The following ZNF212 variants were observed in gnomAD, a reference collection of about 807,000 sequenced individuals.
ZNF212 encodes Zinc finger protein C2H2-150.
Under a neutral mutation model 47.3 loss-of-function variants are expected in ZNF212, and 32 were observed. The ratio of observed to expected loss-of-function variants is 0.68; its 90% CI spans 0.51 to 0.91. The LOEUF is 0.91. ZNF212 is among the 40% of genes least tolerant of loss of function. The pLI, the probability that ZNF212 is intolerant of heterozygous loss-of-function variation, is 0.00. For synonymous variants in ZNF212, 242 were observed against 253.8 expected, an observed-to-expected ratio of 0.95 and a Z score of 0.44; for missense variants, 555 against 622.8, an observed-to-expected ratio of 0.89 and a Z score of 1.16.
chr7:149,243,912 A>T (rs1796637042), intron 1 of ZNF212, among the ~76,000 whole-genome samples: 2 of 152,142 alleles, frequency 1.3e-5, no homozygotes, highest in Non-Finnish European at 2.9e-5. Context: ...AGTATGATTG[A>T]GGAACTGAGT....
intron 1 of ZNF212, among the ~76,000 whole-genome samples, chr7:149,240,382 A>AACCCCCCCCCC (rs1796570019): frequency 9.1e-6 from 1 of 109,356 alleles, no homozygotes. Context: ...TCTCTCCTTC[A>AACCCCCCCCCC]CCCCCCCCCC....
chr7:149,247,280 T>A (rs1232359180), intron 1 of ZNF212, among the ~76,000 whole-genome samples: 1 of 151,946 alleles, frequency 6.6e-6, no homozygotes, highest in Non-Finnish European at 1.5e-5. Context: ...TGGCTCATTT[T>A]AAAAAAATTG....
intron 3 of ZNF212, 68 bp from the exon 4 acceptor site, chr7:149,252,638 G>C: frequency 6.9e-7 from 1 of 1,450,860 alleles, no homozygotes; most frequent in Non-Finnish European, 9.6e-7. Flanking sequence ...CTTGGTCACT[G>C]GCAGCTGATC....
chr7:149,254,151 C>T lies in ZNF212; in HGVS notation c.1224C>T (p.Pro408=). 1 of 1,614,200 alleles carries T rather than the reference C, an allele frequency of 6.2e-7. No homozygotes were observed. Among genetic ancestry groups the T allele is most frequent in the Non-Finnish European group, 8.5e-7 (1 of 1,180,026 alleles). The change falls in exon 5 of 5, where the codon CCC becomes CCT. Residue 408 remains proline, a synonymous_variant. Coordinates refer to ENST00000335870, the MANE Select transcript of ZNF212 (RefSeq NM_012256.4). The surrounding 1 kb of genome is among the most constrained non-coding windows in gnomAD (Gnocchi z 4.5). The stretch of plus-strand genomic sequence containing the variant: ...AGCATGTCCAAGAGAGGTTCTCACC[C>T]AACAGCCTGGTTGCCCTGCCTGGCC... ...AGQHVQERFS[P]NSLVALPGHI... is the part of the protein sequence containing the mutation.
intron 1 of ZNF212, among the ~76,000 whole-genome samples, chr7:149,245,047 T>C (rs1231431006): frequency 6.6e-6 from 1 of 152,086 alleles, no homozygotes; most frequent in Non-Finnish European, 1.5e-5. Context: ...TTGAAAGATA[T>C]TAAAAATGGA....
chr7:149,247,115 CTT>C (rs80328578), intron 1 of ZNF212, among the ~76,000 whole-genome samples: 6 of 138,692 alleles, frequency 4.3e-5, no homozygotes, highest in Admixed American at 1.4e-4. Flanking sequence ...CCCGGCCCTT[CTT>C]TTTTTTTTTT....
chr7:149,239,689 G>GCGGCGGCGGCGGCGT lies in ZNF212; in HGVS notation c.-89_-88insGGCGGCGGCGGCGTC. 7.7e-7 allele frequency: 1 copy of GCGGCGGCGGCGGCGT among 1,292,608 alleles called. No individual in the cohort carries two copies. The highest frequency in any genetic ancestry group is 9.8e-7 in the Non-Finnish European group (1 of 1,015,260). 80.1% of individuals were successfully genotyped at this position (1,292,608 alleles called of 1,614,324 possible). A position where few individuals can be genotyped will look rare whatever the true frequency, so the allele number is the denominator to read the frequency against. On this transcript the variant is annotated 5_prime_UTR_variant, in exon 1 of 5. Coordinates refer to ENST00000335870, the MANE Select transcript of ZNF212 (RefSeq NM_012256.4). The stretch of plus-strand genomic sequence containing the variant: ...CATCAACACGGCGGCGGCGGCGGCG[G>GCGGCGGCGGCGGCGT]CTTCCAACAGGCTCTGGGGCGCCGA...
At chr7:149,241,070 G>A (rs1426395939) in intron 1 of ZNF212, among the ~76,000 whole-genome samples, 1 of 152,170 alleles carries the variant, frequency 6.6e-6, no homozygotes, top group Non-Finnish European at 1.5e-5. Context: ...TTCTGCCACA[G>A]TTCTTCCTGC....
At position 149,254,531 on chromosome 7, in the gene ZNF212, C is replaced by T; in HGVS notation, c.*116C>T. The T allele has an allele frequency of 7.1e-7, 1 of 1,409,700 alleles. No homozygotes were observed. Among genetic ancestry groups the T allele is most frequent in the Non-Finnish European group, 9.3e-7 (1 of 1,071,868 alleles). 87.3% of individuals were successfully genotyped at this position (1,409,700 alleles called of 1,614,324 possible). A position where few individuals can be genotyped will look rare whatever the true frequency, so the allele number is the denominator to read the frequency against. ...AGGGCAGTTGTTTGTGATTGCCTTC[C>T]CTTGTCCCAGTACCAAGCCAAGCCC... On this transcript the variant is annotated 3_prime_UTR_variant, in exon 5 of 5. Transcript: ENST00000335870. The surrounding 1 kb of genome is among the most constrained non-coding windows in gnomAD (Gnocchi z 4.5).
intron 1 of ZNF212, among the ~76,000 whole-genome samples, chr7:149,241,431 CAAA>C (rs35747561): frequency 5.2e-5 from 4 of 76,738 alleles, no homozygotes; most frequent in Non-Finnish European, 2.5e-5. Context: ...GACTCTGTCT[CAAA>C]AAAAAAAAAA....
At chr7:149,240,382 A>ACCCCCCCCCCCCCCCCCCCCCCCC (rs71194632) in intron 1 of ZNF212, among the ~76,000 whole-genome samples, 16 of 109,348 alleles carry the variant, frequency 1.5e-4, no homozygotes, top group South Asian at 3.1e-4. Flanking sequence ...TCTCTCCTTC[A>ACCCCCCCCCCCCCCCCCCCCCCCC]CCCCCCCCCC....
At position 149,254,403 on chromosome 7, in the gene ZNF212, T is replaced by A. The variant is rs764587703; in HGVS notation, c.1476T>A (p.Asn492Lys). ...TGGCCCTGGAGCCCGGAAGGCCCAATGGCCTGCTTTAAGGGTGCAGCCCCT... is the reference window on the plus strand; with the variant it reads ...TGGCCCTGGAGCCCGGAAGGCCCAAAGGCCTGCTTTAAGGGTGCAGCCCCT... ...GGLALEPGRP[N>K]GLL The change falls in exon 5 of 5, where the codon AAT (asparagine) becomes AAA (lysine). Residue 492 changes from asparagine to lysine, a missense_variant. Physicochemically the swap from Asn to Lys is moderately conservative, Grantham distance 94. Coordinates refer to ENST00000335870, the MANE Select transcript of ZNF212 (RefSeq NM_012256.4). The surrounding 1 kb of genome is among the most constrained non-coding windows in gnomAD (Gnocchi z 4.5). 1 of 1,600,532 alleles carries A rather than the reference T, an allele frequency of 6.2e-7. No individual in the cohort carries two copies. The highest frequency in any genetic ancestry group is 2.2e-5 in the East Asian group (1 of 44,870).
chr7:149,242,377 A>G (rs1034308754), intron 1 of ZNF212, among the ~76,000 whole-genome samples: 1 of 152,092 alleles, frequency 6.6e-6, no homozygotes, highest in Non-Finnish European at 1.5e-5. Flanking sequence ...CTACCTTGAA[A>G]TGAAGTACAG....
chr7:149,254,840 CTCTT>C lies in ZNF212; in HGVS notation c.*427_*430del, dbSNP rs528065097. The C allele has an allele frequency of 1.9e-4, 32 of 170,368 alleles. No homozygotes were observed. Among genetic ancestry groups the C allele is most frequent in the Non-Finnish European group, 3.2e-4 (26 of 80,526 alleles). The allele number at this position is 170,368 out of a possible 1,614,324, so 10.6% of individuals were successfully genotyped here. ...CCTCCATTTTTTCTTGTTTTATAATCTCTTTGTTTAATAATAAGTAGAAGAAATA... is the reference window on the plus strand; with the variant it reads ...CCTCCATTTTTTCTTGTTTTATAATCTGTTTAATAATAAGTAGAAGAAATA... On this transcript the variant is annotated 3_prime_UTR_variant, in exon 5 of 5. Coordinates refer to ENST00000335870, the MANE Select transcript of ZNF212 (RefSeq NM_012256.4). This position sits in a 1 kb window ranked among gnomAD's most constrained non-coding sequence, Gnocchi z 4.5.
Position 149,250,214 on chromosome 7 carries a change from C to G in ZNF212, c.80C>G (p.Ala27Gly). 1 of 1,577,592 alleles carries G rather than the reference C, an allele frequency of 6.3e-7. No individual in the cohort carries two copies. Among genetic ancestry groups the G allele is most frequent in the African/African-American group, 1.4e-5 (1 of 73,614 alleles). Residue 27 changes from alanine to glycine, a missense_variant, in exon 2 of 5, where the codon GCA (alanine) becomes GGA (glycine). Physicochemically the swap from Ala to Gly is moderately conservative, Grantham distance 60. Coordinates refer to ENST00000335870, the MANE Select transcript of ZNF212 (RefSeq NM_012256.4). The part of the protein sequence containing the change: ...PLTSSTLPSQ[A>G]TEKSSYFQTT... ...ACTTCTTCCACACTTCCTTCACAAGCAACAGAGAAAAGCTCCTATTTTCAG... is the reference window on the plus strand; with the variant it reads ...ACTTCTTCCACACTTCCTTCACAAGGAACAGAGAAAAGCTCCTATTTTCAG...
intron 3 of ZNF212, among the ~76,000 whole-genome samples, chr7:149,251,941 T>TAAAAAAAA (rs36067111): frequency 1.8e-5 from 2 of 109,540 alleles, no homozygotes; most frequent in African/African-American, 3.5e-5. Flanking sequence ...CTCTGTTGCT[T>TAAAAAAAA]AAAAAAAAAA....
At chr7:149,252,880 C>A in intron 4 of ZNF212, 85 bp downstream of exon 4, 1 of 1,387,120 alleles carries the variant, frequency 7.2e-7, no homozygotes, top group Non-Finnish European at 1.0e-6. Context: ...GTGCCAGGTG[C>A]TGACTTGGTG....
rs748796197 is a variant in ZNF212, at chr7:149,254,675, G to A, written c.*260G>A. On this transcript the variant is annotated 3_prime_UTR_variant, in exon 5 of 5. Coordinates refer to ENST00000335870, the MANE Select transcript of ZNF212 (RefSeq NM_012256.4). This position sits in a 1 kb window ranked among gnomAD's most constrained non-coding sequence, Gnocchi z 4.5. ...GGTTTTCTCATTCATGCCAATGCTT[G>A]TGGGCTGGGGTTGGCGTTCTGACCC... The A allele has an allele frequency of 4.1e-5, 20 of 482,342 alleles. No homozygotes were observed. Among genetic ancestry groups the A allele is most frequent in the Non-Finnish European group, 5.7e-5 (16 of 281,972 alleles). The allele number at this position is 482,342 out of a possible 1,614,324, so 29.9% of individuals were successfully genotyped here.
chr7:149,252,726 G>A lies in ZNF212; in HGVS notation c.562G>A (p.Gly188Arg), dbSNP rs141430858. The A allele has an allele frequency of 2.2e-3, 3,586 of 1,614,132 alleles. 2 individuals carry two copies. The highest frequency in any genetic ancestry group is 3.8e-3 in the Middle Eastern group (23 of 6,058). ...VSLKVLGQTE[G>R]EAELGTEMLG... Reference sequence around the variant, plus strand: ...CCCAGAGGTCCTTGGCCAGACAGAGGGAGAAGCGGAGTTGGGTACAGAGAT... The same window carrying A: ...CCCAGAGGTCCTTGGCCAGACAGAGAGAGAAGCGGAGTTGGGTACAGAGAT... Residue 188 changes from glycine (G) to arginine (R), a missense_variant, in exon 4 of 5, where the codon GGA (glycine) becomes AGA (arginine). Coordinates refer to ENST00000335870, the MANE Select transcript of ZNF212 (RefSeq NM_012256.4).
Sources: allele counts gnomAD v4.1 joint callset (sites outside exome capture counted in the v4.1 genomes callset), GRCh38; gene constraint gnomAD v4.1.1; non-coding constraint Gnocchi (gnomAD v3.1); transcripts MANE v1.5; gene names NCBI Gene and HGNC (gene_info 2026-07-23, HGNC 2026-07-21).